Variants in USP3 observed in about 807,000 individuals in gnomAD.
The protein encoded by USP3 is ubiquitin specific peptidase 3.
In USP3, 20 loss-of-function variants were observed where a neutral mutation model predicts 72.3. The observed-to-expected ratio is 0.28, with a 90% CI of 0.19 to 0.40. USP3 has a LOEUF of 0.40. Ranked by LOEUF, USP3 falls within the 10% of genes least tolerant of loss-of-function variation. USP3 has a pLI of 1.00. For missense variants in USP3, 479 were observed against 633.9 expected (o/e 0.76, Z 2.62); for synonymous variants, 222 against 225.3 (o/e 0.99, Z 0.13).
At chr15:63,587,791 C>T (rs567751370) in intron 11 of USP3, 13 of 152,302 alleles carry the variant, frequency 8.5e-5, no homozygotes, top group African/African-American at 2.9e-4. Context: ...CCCCAGGTTA[C>T]ACAATTACAT....
intron 1 of USP3, among the ~76,000 whole-genome samples, chr15:63,512,457 TTTC>T (rs1234333118): frequency 3.3e-5 from 5 of 151,976 alleles, no homozygotes; most frequent in African/African-American, 9.7e-5. Context: ...TTCTTTCTTC[TTTC>T]TTCTTCTTCG....
intron 11 of USP3, among the ~76,000 whole-genome samples, chr15:63,585,491 C>T (rs897802176): frequency 3.9e-5 from 6 of 152,012 alleles, no homozygotes; most frequent in African/African-American, 1.2e-4. Context: ...ATGTTAATTT[C>T]GTTTTTGGAA....
At chr15:63,590,552 A>C in intron 14 of USP3, 109 bp from the exon 15 acceptor site, 2 of 1,080,066 alleles carry the variant, frequency 1.9e-6, no homozygotes, top group South Asian at 5.6e-5. Context: ...TCTTAAATCA[A>C]AAGTCTAGGA....
At position 63,505,964 on chromosome 15, in the gene USP3, T is replaced by C. The variant is rs1235878609; in HGVS notation, c.91+1134T>C. ...GAATGCCTTAGCACTTTTGACAGCTTACTACTTAAATAGTGATTATGTTCT... is the reference window on the plus strand; with the variant it reads ...GAATGCCTTAGCACTTTTGACAGCTCACTACTTAAATAGTGATTATGTTCT... On this transcript the variant is annotated intron_variant, in intron 1 of 14. Coordinates refer to ENST00000380324, the MANE Select transcript of USP3 (RefSeq NM_006537.4). 1.5e-4 allele frequency among the ~76,000 whole-genome samples: 23 copies of C among 152,214 alleles called. 1 individual carries two copies. The highest frequency in any genetic ancestry group is 1.5e-3 in the Admixed American group (23 of 15,284).
chr15:63,594,566 C>T lies in USP3; in HGVS notation c.*3740C>T, dbSNP rs1175073537. On this transcript the variant is annotated 3_prime_UTR_variant, in exon 15 of 15. Coordinates refer to ENST00000380324, the MANE Select transcript of USP3 (RefSeq NM_006537.4). The stretch of plus-strand genomic sequence containing the variant: ...GTGACTGATTCATTTAAATTGTAAT[C>T]ACATCCCTTTTCTGCTTCACCAACC... 1 of 152,214 alleles carries T rather than the reference C, an allele frequency of 6.6e-6. No homozygotes were observed. Among genetic ancestry groups the T allele is most frequent in the African/African-American group, 2.4e-5 (1 of 41,446 alleles). The allele number at this position is 152,214 out of a possible 1,614,324, so 9.4% of individuals were successfully genotyped here.
At chr15:63,543,897 C>G (rs759070714) in intron 3 of USP3, among the ~76,000 whole-genome samples, 5 of 151,720 alleles carry the variant, frequency 3.3e-5, no homozygotes, top group Non-Finnish European at 7.4e-5. Flanking sequence ...CAAACCTTTA[C>G]CTTATGGTAT....
intron 8 of USP3, among the ~76,000 whole-genome samples, chr15:63,564,183 T>C (rs775601665): frequency 6.6e-6 from 1 of 152,202 alleles, no homozygotes; most frequent in Non-Finnish European, 1.5e-5. Flanking sequence ...TTTACATTTA[T>C]TGAATGCCTA....
Position 63,592,721 on chromosome 15 carries a change from C to G in USP3, c.*1895C>G, listed in dbSNP as rs1414040354. On this transcript the variant is annotated 3_prime_UTR_variant, in exon 15 of 15. Transcript: ENST00000380324. ...AAGGTGCTAGCATTACAGGCATGAG[C>G]CACCACGCCCAGCCTGTTCTATTAA... 2 of 151,862 alleles carry G rather than the reference C, an allele frequency of 1.3e-5. No individual in the cohort carries two copies. Among genetic ancestry groups the G allele is most frequent in the Non-Finnish European group, 2.9e-5 (2 of 67,962 alleles). 9.4% of individuals were successfully genotyped at this position (151,862 alleles called of 1,614,324 possible).
intron 3 of USP3, among the ~76,000 whole-genome samples, chr15:63,538,913 G>A (rs1462555303): frequency 6.6e-6 from 1 of 152,148 alleles, no homozygotes; most frequent in Non-Finnish European, 1.5e-5. Context: ...GTGATCCTTT[G>A]TGTGGAAGAT....
chr15:63,522,172 A>AATC (rs1247466552), intron 1 of USP3, among the ~76,000 whole-genome samples: 6 of 152,206 alleles, frequency 3.9e-5, no homozygotes, highest in African/African-American at 1.4e-4. Context: ...CACTGTGCCC[A>AATC]GTCCTCTCAG....
chr15:63,569,811 A>G (rs532677256), intron 8 of USP3, among the ~76,000 whole-genome samples: 1 of 152,370 alleles, frequency 6.6e-6, no homozygotes, highest in East Asian at 1.9e-4. Flanking sequence ...ATGTTGTTAT[A>G]TAAATTCAAG....
chr15:63,531,508 A>G (rs919883932), intron 1 of USP3, among the ~76,000 whole-genome samples: 3 of 152,200 alleles, frequency 2.0e-5, no homozygotes, highest in Non-Finnish European at 4.4e-5. Flanking sequence ...TATCTTTGGG[A>G]GGAGCTATTA....
In USP3 at chr15:63,529,192, C is replaced by CTT. The variant is rs768818432; in HGVS notation, c.92-3448_92-3447dup. On this transcript the variant is annotated intron_variant, in intron 1 of 14. Coordinates refer to ENST00000380324, the MANE Select transcript of USP3 (RefSeq NM_006537.4). This position sits in a 1 kb window ranked among gnomAD's most constrained non-coding sequence, Gnocchi z 4.2. Reference sequence around the variant, plus strand: ...GTAGTAAAGTGGTTTTTTTTTTTTTCTTTTTTTTGAGATATATTAAAAGGC... The same window carrying CTT: ...GTAGTAAAGTGGTTTTTTTTTTTTTCTTTTTTTTTTGAGATATATTAAAAGGC... The CTT allele has an allele frequency of 4.1e-6, 2 of 485,378 alleles. No individual in the cohort carries two copies. The highest frequency in any genetic ancestry group is 6.9e-6 in the Non-Finnish European group (2 of 288,652). 30.1% of individuals were successfully genotyped at this position (485,378 alleles called of 1,614,324 possible).
In USP3 at chr15:63,570,832, A is replaced by T. The variant is rs1595760050; in HGVS notation, c.908+253A>T. Among the ~76,000 whole-genome samples, 4 of 152,354 alleles carry T rather than the reference A, an allele frequency of 2.6e-5. No homozygotes were observed. Among genetic ancestry groups the T allele is most frequent in the Non-Finnish European group, 5.9e-5 (4 of 68,032 alleles). ...ATAGATTATTTTAAATTTTGAAAAA[A>T]TAGAAAATATTTGTACAGTTCAGCA... On this transcript the variant is annotated intron_variant, in intron 9 of 14. Coordinates refer to ENST00000380324, the MANE Select transcript of USP3 (RefSeq NM_006537.4). The surrounding 1 kb of genome is among the most constrained non-coding windows in gnomAD (Gnocchi z 4.4).
At chr15:63,504,905 C>A in intron 1 of USP3, 75 bp downstream of exon 1, 1 of 1,189,646 alleles carries the variant, frequency 8.4e-7, no homozygotes, top group Non-Finnish European at 1.0e-6. Context: ...CTAGGGGCCG[C>A]AGGCGGCCGG....
rs1177739101 is a variant in USP3, at chr15:63,544,142, TA to T, written c.284+6991del. The T allele has an allele frequency of 1.3e-5, 2 of 150,032 alleles. No homozygotes were observed. The highest frequency in any genetic ancestry group is 4.9e-5 in the African/African-American group (2 of 41,044). The allele number at this position is 150,032 out of a possible 1,614,324, so 9.3% of individuals were successfully genotyped here. A position where few individuals can be genotyped will look rare whatever the true frequency, so the allele number is the denominator to read the frequency against. On this transcript the variant is annotated intron_variant, in intron 3 of 14. Coordinates refer to ENST00000380324, the MANE Select transcript of USP3 (RefSeq NM_006537.4). The surrounding 1 kb of genome is among the most constrained non-coding windows in gnomAD (Gnocchi z 4.2). ...TTTATTTCATCTCTAGCTCATTCTT[TA>T]AAAATTATTCTTTTTTGTAATATAT...
intron 1 of USP3, chr15:63,530,511 C>A: frequency 2.8e-6 from 1 of 354,956 alleles, no homozygotes; most frequent in Non-Finnish European, 5.5e-6. Context: ...TGGAGTTTCA[C>A]CATTTTACCA....
At chr15:63,508,429 G>GA (rs2065741235) in intron 1 of USP3, among the ~76,000 whole-genome samples, 1 of 152,166 alleles carries the variant, frequency 6.6e-6, no homozygotes, top group South Asian at 2.1e-4. Context: ...AGCTGGGGGA[G>GA]AGACAGGAAG....
intron 9 of USP3, among the ~76,000 whole-genome samples, chr15:63,571,925 A>G (rs1437378896): frequency 6.6e-6 from 1 of 152,222 alleles, no homozygotes; most frequent in Non-Finnish European, 1.5e-5. Context: ...ATTTGCTACA[A>G]CTAGAAAAAG....
Sources: gnomAD v4.1 joint callset for allele counts (sites outside exome capture counted in the v4.1 genomes callset) on GRCh38, gnomAD v4.1.1 for gene constraint, Gnocchi (gnomAD v3.1) non-coding constraint, MANE v1.5 for transcripts, NCBI Gene and HGNC (gene_info 2026-07-23, HGNC 2026-07-21) for gene names.